The following VPS35L variants were observed in gnomAD, a reference collection of about 807,000 sequenced individuals.
VPS35L encodes the protein VPS35 endosomal protein-sorting factor-like.
Under a neutral mutation model 133.0 loss-of-function variants are expected in VPS35L, and 83 were observed. That is an observed-to-expected ratio of 0.62 (90% CI 0.52 to 0.75). VPS35L has a LOEUF of 0.75. Ranked by LOEUF, VPS35L falls within the 30% of genes least tolerant of loss-of-function variation. The pLI, the probability that VPS35L is intolerant of heterozygous loss-of-function variation, is 0.00. For missense variants in VPS35L, 1,083 were observed against 1,206.8 expected, an observed-to-expected ratio of 0.90 and a Z score of 1.52; for synonymous variants, 423 against 449.9, an observed-to-expected ratio of 0.94 and a Z score of 0.76.
chr16:19,651,298 G>T (rs1439181785), intron 25 of VPS35L, among the ~76,000 whole-genome samples: 2 of 151,928 alleles, frequency 1.3e-5, no homozygotes, highest in African/African-American at 4.8e-5. Context: ...TGGAGACAGG[G>T]TCTTGCTCTG....
chr16:19,627,448 A>G (rs1017338201), intron 15 of VPS35L, among the ~76,000 whole-genome samples: 12 of 152,172 alleles, frequency 7.9e-5, no homozygotes, highest in Admixed American at 1.3e-4. Flanking sequence ...TGATCTGTCT[A>G]TCCACCCTGC....
At position 19,633,096 on chromosome 16, in the gene VPS35L, G is replaced by A. The variant is rs1477791169; in HGVS notation, c.1559G>A (p.Arg520Gln). Residue 520 changes from arginine to glutamine, a missense_variant, in exon 19 of 31, where the codon CGA (arginine) becomes CAA (glutamine). Coordinates refer to ENST00000417362, the MANE Select transcript of VPS35L (RefSeq NM_020314.7). This position sits in a 1 kb window ranked among gnomAD's most constrained non-coding sequence, Gnocchi z 4.1. ...TGGTTCCTTTTTCCTGCTTAGAAACGAGAGGTGAATACCGTTTTGGCAGAT... is the reference window on the plus strand; with the variant it reads ...TGGTTCCTTTTTCCTGCTTAGAAACAAGAGGTGAATACCGTTTTGGCAGAT... ...VEYTCKHFTK[R>Q]EVNTVLADVI... 8.7e-6 allele frequency: 14 copies of A among 1,613,994 alleles called. No homozygotes were observed. Among genetic ancestry groups the A allele is most frequent in the African/African-American group, 6.7e-5 (5 of 74,922 alleles).
chr16:19,634,913 C>G (rs8046240), intron 19 of VPS35L, among the ~76,000 whole-genome samples: 44,768 of 152,048 alleles, frequency 0.29, 7,093 homozygotes, highest in East Asian at 0.34. Flanking sequence ...CAATGAGGAG[C>G]AAAAGGCCAT....
chr16:19,637,424 C>A (rs896823491), intron 19 of VPS35L, among the ~76,000 whole-genome samples, 170 bp from the exon 20 acceptor site: 3 of 152,000 alleles, frequency 2.0e-5, no homozygotes, highest in Non-Finnish European at 4.4e-5. Flanking sequence ...GCCCAGTTCA[C>A]CATTTGTTGA....
chr16:19,687,884 G>A (rs547701535), intron 28 of VPS35L, among the ~76,000 whole-genome samples: 4 of 151,982 alleles, frequency 2.6e-5, no homozygotes, highest in South Asian at 4.2e-4. Context: ...AGGCCAAGGC[G>A]GGAGGATCAC....
chr16:19,655,203 CAGG>C (rs1974258912), intron 26 of VPS35L, among the ~76,000 whole-genome samples: 1 of 152,182 alleles, frequency 6.6e-6, no homozygotes, highest in Admixed American at 6.5e-5. Context: ...TCAGCTACTG[CAGG>C]AGAGTGGGAA....
At chr16:19,686,230 C>T (rs1314516041) in intron 28 of VPS35L, among the ~76,000 whole-genome samples, 1 of 152,106 alleles carries the variant, frequency 6.6e-6, no homozygotes, top group Non-Finnish European at 1.5e-5. Flanking sequence ...TCTAGGGAGG[C>T]TTTTAGACGA....
chr16:19,653,281 G>A (rs1276009080), intron 26 of VPS35L, among the ~76,000 whole-genome samples: 1 of 152,208 alleles, frequency 6.6e-6, no homozygotes, highest in African/African-American at 2.4e-5. Flanking sequence ...CCAAGGGCCT[G>A]CAGGCAGGTT....
chr16:19,604,710 A>C (rs1467102468), intron 9 of VPS35L, among the ~76,000 whole-genome samples: 1 of 152,212 alleles, frequency 6.6e-6, no homozygotes. Flanking sequence ...TGTGAAGAGA[A>C]ATTTGGTGGC....
intron 29 of VPS35L, among the ~76,000 whole-genome samples, chr16:19,692,186 G>C (rs1975716357): frequency 6.6e-6 from 1 of 152,048 alleles, no homozygotes; most frequent in African/African-American, 2.4e-5. Context: ...TGGACCTGGT[G>C]AGTCTTGAAG....
intron 23 of VPS35L, among the ~76,000 whole-genome samples, chr16:19,645,736 A>G (rs1464921920): frequency 2.0e-5 from 3 of 152,104 alleles, no homozygotes; most frequent in Admixed American, 6.5e-5. Context: ...GTCTCTTTGG[A>G]TTAACATGGG....
At chr16:19,557,995 A>G (rs921266275) in intron 1 of VPS35L, among the ~76,000 whole-genome samples, 3 of 151,600 alleles carry the variant, frequency 2.0e-5, no homozygotes, top group Non-Finnish European at 3.0e-5. Context: ...ACTTGATCCC[A>G]GGAGGCGGAG....
At chr16:19,682,776 C>T (rs572199408) in intron 28 of VPS35L, among the ~76,000 whole-genome samples, 11 of 152,268 alleles carry the variant, frequency 7.2e-5, no homozygotes, top group South Asian at 2.1e-4. Flanking sequence ...GCAGGAGAAT[C>T]GCTTGAACCT....
chr16:19,646,436 A>C (rs1973950665), intron 23 of VPS35L, among the ~76,000 whole-genome samples: 1 of 152,172 alleles, frequency 6.6e-6, no homozygotes, highest in East Asian at 1.9e-4. Context: ...TGGGAGGCTG[A>C]GGCAGGTGGA....
chr16:19,644,969 T>G lies in VPS35L; in HGVS notation c.1929+20T>G, dbSNP rs1272690033. ...AAAATGGTAAGTATTAGGGAAGAAG[T>G]TTCAGTGCACTTGGAAGTGTGATGT... On this transcript the variant is annotated intron_variant, in intron 23 of 30. Transcript: ENST00000417362. 1.3e-6 allele frequency: 2 copies of G among 1,518,424 alleles called. No homozygotes were observed. Among genetic ancestry groups the G allele is most frequent in the Admixed American group, 1.7e-5 (1 of 58,590 alleles). 94.1% of individuals were successfully genotyped at this position (1,518,424 alleles called of 1,614,324 possible).
chr16:19,573,044 C>G (rs1971430258), intron 3 of VPS35L, 75 bp from the exon 4 acceptor site: 3 of 1,466,774 alleles, frequency 2.0e-6, no homozygotes, highest in Non-Finnish European at 2.8e-6. Flanking sequence ...GACTATCTGG[C>G]TTCTATTTAT....
At chr16:19,675,041 C>T (rs1006256920) in intron 27 of VPS35L, among the ~76,000 whole-genome samples, 3 of 151,632 alleles carry the variant, frequency 2.0e-5, no homozygotes, top group Non-Finnish European at 2.9e-5. Context: ...CAACCTTGAC[C>T]TCCTGGGCTC....
In VPS35L at chr16:19,556,205, T is replaced by C. The variant is rs537448452; in HGVS notation, c.17+459T>C. Among the ~76,000 whole-genome samples the C allele has an allele frequency of 8.0e-4, 122 of 152,290 alleles. No individual in the cohort carries two copies. In the Middle Eastern group the frequency reaches 0.024, roughly 30 times the overall value. On this transcript the variant is annotated intron_variant, in intron 1 of 30. Transcript: ENST00000417362. Reference sequence around the variant, plus strand: ...TGTAAAATGGCCGCCATTCATCCTATCCTAGGCACAGCCCTCAGACTTATT... The same window carrying C: ...TGTAAAATGGCCGCCATTCATCCTACCCTAGGCACAGCCCTCAGACTTATT...
At chr16:19,640,731 T>C (rs1326282034) in intron 21 of VPS35L, among the ~76,000 whole-genome samples, 1 of 152,202 alleles carries the variant, frequency 6.6e-6, no homozygotes, top group East Asian at 1.9e-4. Flanking sequence ...TTTAAGGTGG[T>C]GCATGGAAAA....
Sources: gnomAD v4.1 joint callset for allele counts (sites outside exome capture counted in the v4.1 genomes callset) on GRCh38, gnomAD v4.1.1 for gene constraint, Gnocchi (gnomAD v3.1) non-coding constraint, MANE v1.5 for transcripts, NCBI Gene and HGNC (gene_info 2026-07-23, HGNC 2026-07-21) for gene names.